USP47: variants seen among roughly 807,000 people sequenced by gnomAD.
USP47 encodes ubiquitin specific peptidase 47.
In USP47, 35 loss-of-function variants were observed where a neutral mutation model predicts 165.1. The observed-to-expected ratio is 0.21, with a 90% confidence interval of 0.16 to 0.28. USP47 has a LOEUF of 0.28. Among genes scored for constraint, USP47 ranks in the 10% least tolerant of loss-of-function variants. The pLI is 1.00. For missense variants in USP47, 1,277 were observed against 1,607.4 expected (o/e 0.79, Z 3.52); for synonymous variants, 531 against 544.5 (o/e 0.98, Z 0.35).
intron 3 of USP47, among the ~76,000 whole-genome samples, chr11:11,886,170 C>T (rs1292558858): frequency 1.3e-5 from 2 of 152,106 alleles, no homozygotes; most frequent in African/African-American, 4.8e-5. Context: ...GTCAAAAACT[C>T]AAAAAGCCAG....
intron 11 of USP47, among the ~76,000 whole-genome samples, chr11:11,928,948 G>C (rs1423925435): frequency 6.6e-6 from 1 of 151,898 alleles, no homozygotes; most frequent in South Asian, 2.1e-4. Flanking sequence ...TAATATGAGA[G>C]AACAAATCAG....
At chr11:11,889,907 C>T (rs1851403976) in intron 3 of USP47, among the ~76,000 whole-genome samples, 1 of 152,116 alleles carries the variant, frequency 6.6e-6, no homozygotes, top group African/African-American at 2.4e-5. Flanking sequence ...GACCACACAT[C>T]TACAACCGTC....
chr11:11,917,022 A>T (rs956032141), intron 8 of USP47, among the ~76,000 whole-genome samples: 2 of 150,838 alleles, frequency 1.3e-5, no homozygotes, highest in East Asian at 1.9e-4. Context: ...TTGTGGTGGA[A>T]TGTGCCTGTG....
chr11:11,867,744 T>C (rs1447549487), intron 1 of USP47, among the ~76,000 whole-genome samples: 2 of 152,260 alleles, frequency 1.3e-5, no homozygotes, highest in South Asian at 2.1e-4. Flanking sequence ...CTTATACTTA[T>C]GAAAATAATT....
chr11:11,887,155 T>C (rs1366715202), intron 3 of USP47, among the ~76,000 whole-genome samples: 2 of 152,124 alleles, frequency 1.3e-5, no homozygotes, highest in Non-Finnish European at 2.9e-5. Flanking sequence ...CCAGTGACAC[T>C]ATCAAGCAAC....
intron 8 of USP47, among the ~76,000 whole-genome samples, chr11:11,914,455 C>T (rs1853258315): frequency 6.6e-6 from 1 of 152,036 alleles, no homozygotes; most frequent in African/African-American, 2.4e-5. Flanking sequence ...TTAGAAAAAA[C>T]ATAGGAGAAA....
chr11:11,885,570 G>C (rs368907713), intron 3 of USP47, among the ~76,000 whole-genome samples: 25 of 152,074 alleles, frequency 1.6e-4, no homozygotes, highest in African/African-American at 6.0e-4. Flanking sequence ...CAGGGTCTTG[G>C]GTCCAATACA....
chr11:11,847,201 T>A (rs1848475365), intron 1 of USP47, among the ~76,000 whole-genome samples: 1 of 152,090 alleles, frequency 6.6e-6, no homozygotes, highest in African/African-American at 2.4e-5. Flanking sequence ...CTTTCATATT[T>A]AAAAATGAGC....
chr11:11,936,712 TAAAAACAACA>T (rs1289158855), intron 17 of USP47, among the ~76,000 whole-genome samples: 1 of 151,920 alleles, frequency 6.6e-6, no homozygotes, highest in African/African-American at 2.4e-5. Flanking sequence ...TACATAATTT[TAAAAACAACA>T]AAAAACAACA....
intron 1 of USP47, among the ~76,000 whole-genome samples, chr11:11,859,364 G>A (rs898473168): frequency 6.6e-6 from 1 of 152,148 alleles, no homozygotes; most frequent in South Asian, 2.1e-4. Context: ...CTTGTGGAAA[G>A]GACAGTAGTT....
intron 22 of USP47, 41 bp from the exon 23 acceptor site, chr11:11,949,848 G>T: frequency 7.5e-7 from 1 of 1,341,122 alleles, no homozygotes; most frequent in South Asian, 1.2e-5. Flanking sequence ...ATGTACTTAA[G>T]GTATAATTCA....
Position 11,891,936 on chromosome 11 carries a change from T to A in USP47, c.358-32T>A, listed in dbSNP as rs1198595993. On this transcript the variant is annotated intron_variant, in intron 3 of 27. Coordinates refer to ENST00000527733, the MANE Select transcript of USP47 (RefSeq NM_001282659.2). ...GCTGTTGTTTCAGCAACATTTGCTA[T>A]TTACTAACTATTTGAATATGTTGCA... 1.9e-6 allele frequency: 3 copies of A among 1,597,166 alleles called. No homozygotes were observed. The South Asian group carries it at 3.4e-5, about 18-fold the overall frequency.
intron 2 of USP47, 148 bp from the exon 3 acceptor site, chr11:11,884,319 A>G: frequency 3.4e-6 from 2 of 595,104 alleles, no homozygotes; most frequent in Non-Finnish European, 2.9e-6. Flanking sequence ...CCAGTTAATG[A>G]ATAAATGAGT....
rs1300802562 is a variant in USP47 at position 11,892,380 on chromosome 11, C to CTTTTTTT, written c.496+287_496+293dup. ...AGACTTTTCTTTTCTTTTTAATTTT[C>CTTTTTTT]TTTTTTTTTTTTTTTTTTTGAGACA... On this transcript the variant is annotated intron_variant, in intron 4 of 27. Coordinates refer to ENST00000527733, the MANE Select transcript of USP47 (RefSeq NM_001282659.2). Among the ~76,000 whole-genome samples the CTTTTTTT allele has an allele frequency of 2.0e-4, 24 of 121,136 alleles. 1 individual carries two copies. Among genetic ancestry groups the CTTTTTTT allele is most frequent in the African/African-American group, 2.9e-4 (9 of 31,566 alleles). The allele number at this position is 121,136 out of a possible 152,430, so 79.5% of individuals were successfully genotyped here.
At chr11:11,944,661 A>C (rs1343815273) in intron 20 of USP47, among the ~76,000 whole-genome samples, 1 of 152,168 alleles carries the variant, frequency 6.6e-6, no homozygotes, top group East Asian at 1.9e-4. Flanking sequence ...AGTCGCTCAC[A>C]CTGCCAGGAT....
At chr11:11,863,274 C>T (rs1302583113) in intron 1 of USP47, among the ~76,000 whole-genome samples, 2 of 152,066 alleles carry the variant, frequency 1.3e-5, no homozygotes, top group Non-Finnish European at 2.9e-5. Flanking sequence ...GCATTCAAAA[C>T]ATGAAATCAC....
At chr11:11,850,868 G>A (rs1451738760) in intron 1 of USP47, among the ~76,000 whole-genome samples, 1 of 152,350 alleles carries the variant, frequency 6.6e-6, no homozygotes, top group Non-Finnish European at 1.5e-5. Flanking sequence ...CTGGTTCACA[G>A]AGCAGCACCG....
chr11:11,961,783 G>A lies in USP47; in HGVS notation c.*5608G>A, dbSNP rs575691936. On this transcript the variant is annotated 3_prime_UTR_variant, in exon 28 of 28. Transcript: ENST00000527733. ...GCTGCTGGAGGGACTGAGAACAGCT[G>A]TTGAGCAGTTTACCTGACGGCATCT... Among the ~76,000 whole-genome samples the A allele has an allele frequency of 1.3e-5, 2 of 152,372 alleles. No individual in the cohort carries two copies. Among genetic ancestry groups the A allele is most frequent in the Admixed American group, 1.3e-4 (2 of 15,312 alleles).
At chr11:11,877,850 TGTGTGTGTGCGC>T (rs1256556465) in intron 1 of USP47, among the ~76,000 whole-genome samples, 2 of 80,270 alleles carry the variant, frequency 2.5e-5, no homozygotes, top group African/African-American at 1.1e-4. Flanking sequence ...TGTGTGTGTG[TGTGTGTGTGCGC>T]GCGCGCAGAT....
Sources: gnomAD v4.1 joint callset for allele counts (sites outside exome capture counted in the v4.1 genomes callset) on GRCh38, gnomAD v4.1.1 for gene constraint, MANE v1.5 for transcripts, NCBI Gene and HGNC (gene_info 2026-07-23, HGNC 2026-07-21) for gene names.